The following LPIN1 variants were observed in gnomAD, a reference collection of about 807,000 sequenced individuals.
The protein encoded by LPIN1 is phosphatidate phosphatase LPIN1.
LPIN1 carries 71 observed loss-of-function variants against 107.5 expected under a neutral mutation model. That is an observed-to-expected ratio of 0.66 (90% CI 0.55 to 0.80). The LOEUF (loss-of-function observed/expected upper bound fraction) is 0.80. Ranked by LOEUF, LPIN1 falls within the 30% of genes least tolerant of loss-of-function variation. The pLI is 0.00. For synonymous variants in LPIN1, 445 were observed against 452.6 expected (o/e 0.98, Z 0.21); for missense variants, 1,043 against 1,160.6 (o/e 0.90, Z 1.47).
At chr2:11,781,296 C>T (rs1673532796) in intron 7 of LPIN1, among the ~76,000 whole-genome samples, 1 of 152,234 alleles carries the variant, frequency 6.6e-6, no homozygotes, top group Admixed American at 6.5e-5. Context: ...GGTGCTGACC[C>T]AGCCAACTCT....
chr2:11,681,075 A>G (rs998847717), intron 1 of LPIN1, among the ~76,000 whole-genome samples: 1 of 152,144 alleles, frequency 6.6e-6, no homozygotes, highest in Non-Finnish European at 1.5e-5. Context: ...TGCAAATACA[A>G]TGGTGCCAAG....
intron 1 of LPIN1, among the ~76,000 whole-genome samples, chr2:11,727,131 T>G (rs980491205): frequency 6.6e-6 from 1 of 152,212 alleles, no homozygotes; most frequent in Non-Finnish European, 1.5e-5. Context: ...TTTCTTTACC[T>G]TCGTCCATTC....
chr2:11,742,392 T>G (rs1376979370), upstream of LPIN1, among the ~76,000 whole-genome samples: 1 of 152,208 alleles, frequency 6.6e-6, no homozygotes, highest in Non-Finnish European at 1.5e-5. Flanking sequence ...TGAGCTCTCC[T>G]TAGCATTCTG....
At chr2:11,724,694 G>A (rs959582466) in intron 1 of LPIN1, 15 of 955,806 alleles carry the variant, frequency 1.6e-5, no homozygotes, top group Admixed American at 6.2e-5. Context: ...AGAGCTTCCC[G>A]GTGACACAGG....
intron 1 of LPIN1, among the ~76,000 whole-genome samples, chr2:11,699,744 G>T (rs180799525): frequency 6.6e-5 from 10 of 152,212 alleles, no homozygotes; most frequent in African/African-American, 2.4e-4. Flanking sequence ...CTGAATCTGG[G>T]GCTGCTTTTA....
intron 12 of LPIN1, among the ~76,000 whole-genome samples, chr2:11,789,676 C>T (rs1675353785): frequency 1.3e-5 from 2 of 152,092 alleles, no homozygotes; most frequent in South Asian, 2.1e-4. Context: ...GCATGTTCTC[C>T]AGAGTGGTTT....
intron 8 of LPIN1, 122 bp downstream of exon 8, chr2:11,782,629 A>G (rs1673773787): frequency 9.0e-7 from 1 of 1,116,172 alleles, no homozygotes; most frequent in Non-Finnish European, 1.3e-6. Context: ...GACAATGATC[A>G]TGTTCAGTCT....
At chr2:11,787,210 G>A (rs773972200) in intron 11 of LPIN1, 43 bp downstream of exon 11, 1 of 1,295,384 alleles carries the variant, frequency 7.7e-7, no homozygotes, top group East Asian at 2.3e-5. Context: ...GCATGATACT[G>A]TTTCTGTTTC....
chr2:11,820,408 T>A lies in LPIN1; in HGVS notation c.2518-3T>A. ...CACTTTAAATCACCTTTACCAAATA[T>A]AGGATGTGTATTCATACAAGCAAGT... On this transcript the variant is annotated splice_region_variant and splice_polypyrimidine_tract_variant and intron_variant, in intron 19 of 20. Coordinates refer to ENST00000674199, the MANE Select transcript of LPIN1 (RefSeq NM_001349206.2). The A allele has an allele frequency of 1.9e-6, 3 of 1,569,094 alleles. No individual in the cohort carries two copies. The highest frequency in any genetic ancestry group is 2.6e-6 in the Non-Finnish European group (3 of 1,139,036).
intron 10 of LPIN1, 150 bp downstream of exon 10, chr2:11,785,226 G>A (rs1012456958): frequency 3.1e-6 from 2 of 650,518 alleles, no homozygotes; most frequent in African/African-American, 1.8e-5. Flanking sequence ...TCATAATCCC[G>A]ATGTTTCTGG....
intron 19 of LPIN1, 62 bp downstream of exon 19, chr2:11,819,660 T>G: frequency 8.3e-7 from 1 of 1,202,146 alleles, no homozygotes; most frequent in Non-Finnish European, 1.2e-6. Context: ...GTTGCTGTCA[T>G]CTGAAAGCCC....
intron 1 of LPIN1, among the ~76,000 whole-genome samples, chr2:11,684,114 G>C (rs1267369151): frequency 6.6e-6 from 1 of 152,224 alleles, no homozygotes; most frequent in Non-Finnish European, 1.5e-5. Flanking sequence ...GTATCACGCT[G>C]TCTCTTGTGA....
chr2:11,805,501 T>C (rs893466507), intron 17 of LPIN1: 1 of 391,238 alleles, frequency 2.6e-6, no homozygotes, highest in South Asian at 2.4e-5. Flanking sequence ...TTATATGTTA[T>C]ATATGCCAAG....
chr2:11,818,961 T>C lies in LPIN1; in HGVS notation c.2403-523T>C, dbSNP rs546895015. 2.5e-3 allele frequency: 388 copies of C among 153,290 alleles called. 1 individual carries two copies. The highest frequency in any genetic ancestry group is 7.9e-3 in the African/African-American group (330 of 41,564). 9.5% of individuals were successfully genotyped at this position (153,290 alleles called of 1,614,324 possible). A position where few individuals can be genotyped will look rare whatever the true frequency, so the allele number is the denominator to read the frequency against. On this transcript the variant is annotated intron_variant, in intron 18 of 20. Coordinates refer to ENST00000674199, the MANE Select transcript of LPIN1 (RefSeq NM_001349206.2). ...TCTCTTTTAACCTGATAATGTGTTA[T>C]ATTGATTTTAAATATTAAATTACTA...
intron 1 of LPIN1, among the ~76,000 whole-genome samples, chr2:11,705,630 G>A (rs1663087806): frequency 6.6e-6 from 1 of 152,186 alleles, no homozygotes. Flanking sequence ...TGCAAAGGCT[G>A]TGGGGCTGGA....
chr2:11,721,017 T>C (rs1664093866), upstream of LPIN1, among the ~76,000 whole-genome samples: 2 of 152,076 alleles, frequency 1.3e-5, no homozygotes, highest in South Asian at 4.1e-4. Context: ...TCCCAACTGA[T>C]TCCTTATCTA....
chr2:11,748,952 C>G (rs1049065990), intron 1 of LPIN1, among the ~76,000 whole-genome samples: 1 of 152,212 alleles, frequency 6.6e-6, no homozygotes, highest in East Asian at 1.9e-4. Context: ...ACTGGTAGCC[C>G]GGGCGTGGGA....
chr2:11,703,873 C>T (rs1361148028), intron 1 of LPIN1, among the ~76,000 whole-genome samples: 1 of 152,092 alleles, frequency 6.6e-6, no homozygotes. Context: ...AATCTGGGCT[C>T]AGCTGGGTGA....
In LPIN1 at chr2:11,771,783, GT is replaced by G; in HGVS notation, c.596+108del. ...CCCATAATTCCTTATTCTTTTATGT[GT>G]TTTAGACCAGTGGTCCCCAACCTTT... On this transcript the variant is annotated intron_variant, in intron 4 of 20. Coordinates refer to ENST00000674199, the MANE Select transcript of LPIN1 (RefSeq NM_001349206.2). The surrounding 1 kb of genome is among the most constrained non-coding windows in gnomAD (Gnocchi z 4.8). 1 of 1,256,368 alleles carries G rather than the reference GT, an allele frequency of 8.0e-7. No individual in the cohort carries two copies. The highest frequency in any genetic ancestry group is 1.1e-6 in the Non-Finnish European group (1 of 908,104). The allele number at this position is 1,256,368 out of a possible 1,614,324, so 77.8% of individuals were successfully genotyped here.
Sources: allele counts gnomAD v4.1 joint callset (sites outside exome capture counted in the v4.1 genomes callset), GRCh38; gene constraint gnomAD v4.1.1; non-coding constraint Gnocchi (gnomAD v3.1); transcripts MANE v1.5; gene names NCBI Gene and HGNC (gene_info 2026-07-23, HGNC 2026-07-21).